S100A14: variants seen among roughly 807,000 people sequenced by gnomAD.
S100A14 encodes protein S100-A14.
In S100A14, 6 loss-of-function variants were observed where a neutral mutation model predicts 10.6. The ratio of observed to expected loss-of-function variants is 0.57; its 90% CI spans 0.31 to 1.12. The LOEUF (loss-of-function observed/expected upper bound fraction) is 1.12. S100A14 is among the 50% of genes most tolerant of loss of function. The probability of loss-of-function intolerance (pLI) is 0.06; values close to 1 mark genes in which losing one functional copy is unlikely to be tolerated. For synonymous variants in S100A14, 51 were observed against 51.0 expected, an observed-to-expected ratio of 1.00 and a Z score of 0.00; for missense variants, 121 against 128.7, an observed-to-expected ratio of 0.94 and a Z score of 0.29.
At chr1:153,615,092 C>T (rs946930911) in intron 3 of S100A14, 70 bp from the exon 4 acceptor site, 57 of 1,591,468 alleles carry the variant, frequency 3.6e-5, no homozygotes, top group Non-Finnish European at 4.4e-5. Context: ...ACCCTGCCCA[C>T]GGGCAGACAG....
At chr1:153,616,116 A>G in intron 1 of S100A14, 179 bp downstream of exon 1, 1 of 451,452 alleles carries the variant, frequency 2.2e-6, no homozygotes, top group Non-Finnish European at 4.1e-6. Context: ...AGGCCAACGC[A>G]TCTAGGGGGA....
Position 153,614,896 on chromosome 1 carries a change from G to C in S100A14, c.304C>G (p.Arg102Gly). 6.2e-7 allele frequency: 1 copy of C among 1,613,456 alleles called. No individual in the cohort carries two copies. Among genetic ancestry groups the C allele is most frequent in the South Asian group, 1.1e-5 (1 of 91,010 alleles). The change falls in exon 4 of 4, where the codon CGG becomes GGG. Residue 102 changes from arginine to glycine, a missense_variant. By Grantham distance (125) the Arg-to-Gly change is moderately radical. Coordinates refer to ENST00000344616, the MANE Select transcript of S100A14 (RefSeq NM_020672.3). ...TCCAGAGGGAGTTCTCAGTGCCCCC[G>C]GACAGGCCTCTCCAGCTTCACACTC... ...AKSVKLERPV[R>G]GH
At chr1:153,615,715 T>G in intron 2 of S100A14, 114 bp downstream of exon 2, 2 of 1,065,554 alleles carry the variant, frequency 1.9e-6, no homozygotes, top group Non-Finnish European at 2.9e-6. Flanking sequence ...ACTCACAGGG[T>G]CTGGGGTGCA....
chr1:153,615,772 C>A (rs1557916977), intron 2 of S100A14, 57 bp downstream of exon 2: 8 of 1,588,118 alleles, frequency 5.0e-6, no homozygotes, highest in South Asian at 2.2e-5. Flanking sequence ...GGACATAGAC[C>A]CTCAGGGTGA....
Position 153,614,644 on chromosome 1 carries a change from C to T in S100A14, c.*241G>A, listed in dbSNP as rs992467077. On this transcript the variant is annotated 3_prime_UTR_variant, in exon 4 of 4. Coordinates refer to ENST00000344616, the MANE Select transcript of S100A14 (RefSeq NM_020672.3). ...TTTGGCTCTTACACAATTTTTATCCCTCAAATATTCATCCCTGGCCCAACC... is the reference window on the plus strand; with the variant it reads ...TTTGGCTCTTACACAATTTTTATCCTTCAAATATTCATCCCTGGCCCAACC... The T allele has an allele frequency of 2.2e-6, 1 of 448,230 alleles. No homozygotes were observed. The highest frequency in any genetic ancestry group is 3.5e-5 in the East Asian group (1 of 28,614). The allele number at this position is 448,230 out of a possible 1,614,324, so 27.8% of individuals were successfully genotyped here.
chr1:153,614,957 G>A lies in S100A14; in HGVS notation c.243C>T (p.Phe81=), dbSNP rs1191536651. 17 of 1,613,830 alleles carry A rather than the reference G, an allele frequency of 1.1e-5. No individual in the cohort carries two copies. The highest frequency in any genetic ancestry group is 1.7e-5 in the Admixed American group (1 of 59,982). Residue 81 remains phenylalanine (F), a synonymous_variant, in exon 4 of 4, where the codon TTC becomes TTT. Coordinates refer to ENST00000344616, the MANE Select transcript of S100A14 (RefSeq NM_020672.3). ...LGSCNDSKLE[F]RSFWELIGEA... ...CTCCAATCAGCTCCCAGAAACTCCT[G>A]AACTCCAGTTTAGAGTCATTGCAGC...
At position 153,614,287 on chromosome 1, in the gene S100A14, A is replaced by T. The variant is rs1666907328; in HGVS notation, c.*598T>A. ...TTTTTCATTTTTTTTTATTAATCAA[A>T]TGATACAAAACAACCATCATTCTGT... On this transcript the variant is annotated 3_prime_UTR_variant, in exon 4 of 4. Transcript: ENST00000344616. The T allele has an allele frequency of 6.6e-6, 1 of 152,142 alleles. No individual in the cohort carries two copies. Among genetic ancestry groups the T allele is most frequent in the African/African-American group, 2.4e-5 (1 of 41,390 alleles). The allele number at this position is 152,142 out of a possible 1,614,324, so 9.4% of individuals were successfully genotyped here.
In S100A14 at chr1:153,614,692, T is replaced by A; in HGVS notation, c.*193A>T. 1.7e-6 allele frequency: 1 copy of A among 604,756 alleles called. No individual in the cohort carries two copies. Among genetic ancestry groups the A allele is most frequent in the Non-Finnish European group, 2.7e-6 (1 of 363,742 alleles). The allele number at this position is 604,756 out of a possible 1,614,324, so 37.5% of individuals were successfully genotyped here. A position where few individuals can be genotyped will look rare whatever the true frequency, so the allele number is the denominator to read the frequency against. On this transcript the variant is annotated 3_prime_UTR_variant, in exon 4 of 4. Coordinates refer to ENST00000344616, the MANE Select transcript of S100A14 (RefSeq NM_020672.3). Reference sequence around the variant, plus strand: ...ACCAGTCCCCTGAGCCTCCCTCTGGTGGAGACTCCTCCACCCATGAGCTCC... The same window carrying A: ...ACCAGTCCCCTGAGCCTCCCTCTGGAGGAGACTCCTCCACCCATGAGCTCC...
At chr1:153,616,005 T>TGG in intron 1 of S100A14, 69 bp from the exon 2 acceptor site, 1 of 734,384 alleles carries the variant, frequency 1.4e-6, no homozygotes, top group Non-Finnish European at 2.3e-6. Flanking sequence ...CTGCCCCCTT[T>TGG]GGCTCCATCT....
chr1:153,614,698 C>T lies in S100A14; in HGVS notation c.*187G>A. 1 of 643,878 alleles carries T rather than the reference C, an allele frequency of 1.6e-6. No individual in the cohort carries two copies. Among genetic ancestry groups the T allele is most frequent in the Middle Eastern group, 4.3e-4 (1 of 2,330 alleles). The allele number at this position is 643,878 out of a possible 1,614,324, so 39.9% of individuals were successfully genotyped here. On this transcript the variant is annotated 3_prime_UTR_variant, in exon 4 of 4. Coordinates refer to ENST00000344616, the MANE Select transcript of S100A14 (RefSeq NM_020672.3). Reference sequence around the variant, plus strand: ...CCCCTGAGCCTCCCTCTGGTGGAGACTCCTCCACCCATGAGCTCCCCAGAG... The same window carrying T: ...CCCCTGAGCCTCCCTCTGGTGGAGATTCCTCCACCCATGAGCTCCCCAGAG...
chr1:153,614,891 C>T lies in S100A14; in HGVS notation c.309G>A (p.Gly103=). 1.2e-6 allele frequency: 2 copies of T among 1,613,308 alleles called. No individual in the cohort carries two copies. Among genetic ancestry groups the T allele is most frequent in the Non-Finnish European group, 1.7e-6 (2 of 1,179,630 alleles). ...AGAATTCCAGAGGGAGTTCTCAGTGCCCCCGGACAGGCCTCTCCAGCTTCA... is the reference window on the plus strand; with the variant it reads ...AGAATTCCAGAGGGAGTTCTCAGTGTCCCCGGACAGGCCTCTCCAGCTTCA... ...KSVKLERPVR[G]H The change falls in exon 4 of 4, where the codon GGG becomes GGA. Residue 103 remains glycine (G), a synonymous_variant. Transcript: ENST00000344616.
In S100A14 at chr1:153,615,175, C is replaced by T. The variant is rs865818191; in HGVS notation, c.177+60G>A. 65 of 1,602,346 alleles carry T rather than the reference C, an allele frequency of 4.1e-5. No individual in the cohort carries two copies. The African/African-American group carries it at 7.4e-4, about 18-fold the overall frequency. Reference sequence around the variant, plus strand: ...TGCAAGTGCCAGTGTGGGTGGGGTCCCGGAGCACTTGCTTGGGAAGTCAGG... The same window carrying T: ...TGCAAGTGCCAGTGTGGGTGGGGTCTCGGAGCACTTGCTTGGGAAGTCAGG... On this transcript the variant is annotated intron_variant, in intron 3 of 3. Transcript: ENST00000344616.
chr1:153,615,332 T>C lies in S100A14; in HGVS notation c.80A>G (p.Lys27Arg), dbSNP rs768502510. ...CTCCACGGAGTACTGGTGAAAGTTCTTGATGAGGGTCTCAATGGCCCTCTC... is the reference window on the plus strand; with the variant it reads ...CTCCACGGAGTACTGGTGAAAGTTCCTGATGAGGGTCTCAATGGCCCTCTC... ...DVERAIETLI[K>R]NFHQYSVEGG... The change falls in exon 3 of 4, where the codon AAG becomes AGG. Residue 27 changes from lysine to arginine, a missense_variant. Transcript: ENST00000344616. 6.8e-6 allele frequency: 11 copies of C among 1,613,838 alleles called. No individual in the cohort carries two copies. The highest frequency in any genetic ancestry group is 9.3e-6 in the Non-Finnish European group (11 of 1,179,978).
chr1:153,614,342 C>G lies in S100A14; in HGVS notation c.*543G>C, dbSNP rs1666908899. On this transcript the variant is annotated 3_prime_UTR_variant, in exon 4 of 4. Transcript: ENST00000344616. ...GCCCAAGCACCCAGCTGGTCCTCTCCCCACATGTCACACTCTCCTCAGCCT... is the reference window on the plus strand; with the variant it reads ...GCCCAAGCACCCAGCTGGTCCTCTCGCCACATGTCACACTCTCCTCAGCCT... 6.5e-6 allele frequency: 1 copy of G among 153,024 alleles called. No homozygotes were observed. The highest frequency in any genetic ancestry group is 6.5e-5 in the Admixed American group (1 of 15,380). The allele number at this position is 153,024 out of a possible 1,614,324, so 9.5% of individuals were successfully genotyped here.
At chr1:153,615,157 G>A (rs1256728341) in intron 3 of S100A14, 78 bp downstream of exon 3, 4 of 1,591,212 alleles carry the variant, frequency 2.5e-6, no homozygotes, top group African/African-American at 1.3e-5. Flanking sequence ...GGTTGCAAGT[G>A]CCAGTGTGGG....
In S100A14 at chr1:153,616,085, G is replaced by A. The variant is rs137868928; in HGVS notation, c.-78-149C>T. ...AGGCCCAGGCCCCGCCTGGGCTTCA[G>A]GAGCCAAGGTCATATCCCCCAGGCC... On this transcript the variant is annotated intron_variant, in intron 1 of 3. Coordinates refer to ENST00000344616, the MANE Select transcript of S100A14 (RefSeq NM_020672.3). 339 of 494,438 alleles carry A rather than the reference G, an allele frequency of 6.9e-4. 2 individuals are homozygous for A. In the East Asian group the frequency reaches 0.01, roughly 15 times the overall value. The allele number at this position is 494,438 out of a possible 1,614,324, so 30.6% of individuals were successfully genotyped here.
In S100A14 at chr1:153,615,781, G is replaced by A. The variant is rs145108605; in HGVS notation, c.30+48C>T. Reference sequence around the variant, plus strand: ...GTGGGGGGACATAGACCCTCAGGGTGAAGGAGAGGAGTGTGGGAGCAGAAA... The same window carrying A: ...GTGGGGGGACATAGACCCTCAGGGTAAAGGAGAGGAGTGTGGGAGCAGAAA... On this transcript the variant is annotated intron_variant, in intron 2 of 3. Coordinates refer to ENST00000344616, the MANE Select transcript of S100A14 (RefSeq NM_020672.3). 132 of 1,602,774 alleles carry A rather than the reference G, an allele frequency of 8.2e-5. No homozygotes were observed. The African/African-American group carries it at 1.5e-3, about 19-fold the overall frequency.
intron 3 of S100A14, 55 bp downstream of exon 3, chr1:153,615,180 G>C (rs1207097866): frequency 3.7e-6 from 6 of 1,605,100 alleles, no homozygotes; most frequent in Non-Finnish European, 4.3e-6. Context: ...GGGTCCCGGA[G>C]CACTTGCTTG....
At chr1:153,615,105 G>A (rs1242782186) in intron 3 of S100A14, 83 bp from the exon 4 acceptor site, 4 of 1,587,422 alleles carry the variant, frequency 2.5e-6, no homozygotes, top group South Asian at 1.2e-5. Flanking sequence ...GCAGACAGCA[G>A]GAGCAGAGGC....
Sources: gnomAD v4.1 joint callset for allele counts on GRCh38, gnomAD v4.1.1 for gene constraint, MANE v1.5 for transcripts, NCBI Gene and HGNC (gene_info 2026-07-23, HGNC 2026-07-21) for gene names.